MYO3A: variants seen among roughly 807,000 people sequenced by gnomAD.
MYO3A encodes myosin-IIIa.
A neutral mutation model predicts 192.7 loss-of-function variants in MYO3A; 180 were observed. That is an observed-to-expected ratio of 0.93 (90% CI 0.83 to 1.06). The LOEUF is 1.06. Ranked by LOEUF, MYO3A falls within the 50% of genes least tolerant of loss-of-function variation. The pLI is 0.00. For missense variants in MYO3A, 1,896 were observed against 1,905.0 expected, an observed-to-expected ratio of 1.00 and a Z score of 0.09; for synonymous variants, 628 against 645.3, an observed-to-expected ratio of 0.97 and a Z score of 0.41.
intron 10 of MYO3A, among the ~76,000 whole-genome samples, chr10:26,042,235 C>T (rs530913872): frequency 2.2e-4 from 33 of 152,198 alleles, no homozygotes; most frequent in African/African-American, 7.9e-4. Context: ...TGTCTCACTA[C>T]TTTTAGGATC....
chr10:26,169,606 G>A (rs1180342876), intron 28 of MYO3A, among the ~76,000 whole-genome samples: 1 of 152,122 alleles, frequency 6.6e-6, no homozygotes, highest in African/African-American at 2.4e-5. Context: ...CTAATGGTTT[G>A]CAGCCTGCAT....
intron 30 of MYO3A, among the ~76,000 whole-genome samples, chr10:26,174,880 T>TAA (rs35087824): frequency 4.3e-4 from 64 of 149,744 alleles, no homozygotes; most frequent in Non-Finnish European, 5.8e-4. Flanking sequence ...TAATTAGAGC[T>TAA]AAAAAAAAAA....
chr10:26,189,706 A>G (rs536801733), intron 31 of MYO3A, among the ~76,000 whole-genome samples: 1 of 152,308 alleles, frequency 6.6e-6, no homozygotes, highest in Non-Finnish European at 1.5e-5. Flanking sequence ...TGATGAAGAA[A>G]GAAAAAAGAG....
chr10:26,025,452 C>G (rs149469129), intron 9 of MYO3A, among the ~76,000 whole-genome samples: 38 of 152,068 alleles, frequency 2.5e-4, no homozygotes, highest in African/African-American at 8.9e-4. Flanking sequence ...AGGTTAAATC[C>G]TTCTCAAACA....
At chr10:26,072,510 G>A (rs1835268956) in intron 14 of MYO3A, among the ~76,000 whole-genome samples, 1 of 152,066 alleles carries the variant, frequency 6.6e-6, no homozygotes, top group African/African-American at 2.4e-5. Context: ...CAGAAACTAG[G>A]GAGAGACAAG....
At chr10:26,140,112 G>T (rs1008250081) in intron 20 of MYO3A, among the ~76,000 whole-genome samples, 1 of 152,190 alleles carries the variant, frequency 6.6e-6, no homozygotes, top group African/African-American at 2.4e-5. Flanking sequence ...CCTGAATGAT[G>T]AAAGTGAACC....
intron 20 of MYO3A, among the ~76,000 whole-genome samples, chr10:26,135,393 G>A (rs2131799078): frequency 6.6e-6 from 1 of 151,822 alleles, no homozygotes; most frequent in East Asian, 1.9e-4. Context: ...GATTATTTCT[G>A]TTGGATTAGA....
chr10:26,022,201 G>GC (rs919398767), intron 8 of MYO3A: 10 of 152,316 alleles, frequency 6.6e-5, no homozygotes, highest in East Asian at 5.8e-4. Flanking sequence ...TATTTATGTG[G>GC]CCCCCCACTC....
intron 14 of MYO3A, among the ~76,000 whole-genome samples, chr10:26,075,713 CTCAT>C (rs1281471016): frequency 1.4e-5 from 2 of 144,382 alleles, no homozygotes; most frequent in Admixed American, 7.0e-5. Context: ...ATATGTCTCT[CTCAT>C]ATATATATGA....
chr10:25,938,216 T>C (rs1185571103), intron 2 of MYO3A, among the ~76,000 whole-genome samples: 2 of 152,164 alleles, frequency 1.3e-5, no homozygotes, highest in East Asian at 3.8e-4. Flanking sequence ...TATGTGACTG[T>C]GTATGAGAGA....
chr10:26,082,041 G>C (rs1006113959), intron 14 of MYO3A, among the ~76,000 whole-genome samples: 2 of 152,172 alleles, frequency 1.3e-5, no homozygotes, highest in African/African-American at 4.8e-5. Flanking sequence ...GCCTCTGCAC[G>C]CTGCTCTTTC....
At chr10:26,118,383 T>C (rs536236401) in intron 17 of MYO3A, among the ~76,000 whole-genome samples, 7 of 151,498 alleles carry the variant, frequency 4.6e-5, no homozygotes, top group Non-Finnish European at 8.9e-5. Context: ...AGCATATGTA[T>C]TGTTACACTT....
At chr10:26,179,978 C>T (rs111744190) in intron 31 of MYO3A, among the ~76,000 whole-genome samples, 6,268 of 152,108 alleles carry the variant, frequency 0.041, 422 homozygotes, top group African/African-American at 0.14. Context: ...GGACTACAAA[C>T]GTGCGGCACC....
intron 4 of MYO3A, 35 bp from the exon 5 acceptor site, chr10:25,996,455 G>A (rs1840446048): frequency 1.3e-6 from 2 of 1,550,328 alleles, no homozygotes. Flanking sequence ...AATGTCACAT[G>A]TTTTTAATAG....
intron 4 of MYO3A, 137 bp downstream of exon 4, chr10:25,955,145 A>C: frequency 5.5e-6 from 7 of 1,282,086 alleles, no homozygotes; most frequent in Non-Finnish European, 6.7e-6. Context: ...TGTTGTGCCT[A>C]GTTTTGGCCT....
chr10:25,957,039 T>C (rs1448378543), intron 4 of MYO3A, among the ~76,000 whole-genome samples: 2 of 152,220 alleles, frequency 1.3e-5, no homozygotes, highest in African/African-American at 4.8e-5. Context: ...GCTCCAATCA[T>C]GTTCCTGCAA....
In MYO3A at chr10:26,147,446, G is replaced by A; in HGVS notation, c.2522G>A (p.Ser841Asn). The change falls in exon 23 of 35, where the codon AGT (serine) becomes AAT (asparagine). Residue 841 changes from serine (S) to asparagine (N), a missense_variant. By Grantham distance (46) the Ser-to-Asn change is conservative (BLOSUM62 1). Coordinates refer to ENST00000642920, the MANE Select transcript of MYO3A (RefSeq NM_017433.5). ...TATCAACAGGTCCTCTATAATGCAA[G>A]TGGATTCTTAGCCAAAAACAGAGAC... ...HYAGKVLYNA[S>N]GFLAKNRDTL... The A allele has an allele frequency of 6.2e-7, 1 of 1,613,630 alleles. No individual in the cohort carries two copies. Among genetic ancestry groups the A allele is most frequent in the Non-Finnish European group, 8.5e-7 (1 of 1,179,628 alleles).
At chr10:26,023,980 T>G in intron 8 of MYO3A, 42 bp from the exon 9 acceptor site, 1 of 1,555,774 alleles carries the variant, frequency 6.4e-7, no homozygotes, top group Non-Finnish European at 8.9e-7. Context: ...TTACACTGAC[T>G]GACCAATATA....
intron 18 of MYO3A, among the ~76,000 whole-genome samples, chr10:26,122,463 C>T (rs1407584837): frequency 6.6e-6 from 1 of 152,092 alleles, no homozygotes. Context: ...AATTAAGCAC[C>T]AGTTCTGACC....
Sources: gnomAD v4.1 joint callset for allele counts (sites outside exome capture counted in the v4.1 genomes callset) on GRCh38, gnomAD v4.1.1 for gene constraint, MANE v1.5 for transcripts, NCBI Gene and HGNC (gene_info 2026-07-23, HGNC 2026-07-21) for gene names.